The following NEIL2 variants were observed in gnomAD, a reference collection of about 807,000 sequenced individuals.
NEIL2 encodes endonuclease 8-like 2.
NEIL2 carries 23 observed loss-of-function variants against 22.2 expected under a neutral mutation model. The observed-to-expected ratio is 1.04, with a 90% CI of 0.75 to 1.47. The LOEUF (loss-of-function observed/expected upper bound fraction) is 1.47. NEIL2 is among the 40% of genes most tolerant of loss of function. NEIL2 has a pLI of 0.00. For synonymous variants in NEIL2, 229 were observed against 164.8 expected, an observed-to-expected ratio of 1.39 and a Z score of -2.99; for missense variants, 583 against 404.7, an observed-to-expected ratio of 1.44 and a Z score of -3.78.
At chr8:11,784,723 G>T (rs1221423757) in intron 4 of NEIL2, among the ~76,000 whole-genome samples, 2 of 152,246 alleles carry the variant, frequency 1.3e-5, no homozygotes, top group South Asian at 2.1e-4. Flanking sequence ...AGCTGAAAGA[G>T]TATGGTTGGA....
rs372217539 is a variant in NEIL2 at position 11,771,534 on chromosome 8, T to G, written c.87T>G (p.Ser29Arg). Residue 29 changes from serine to arginine, a missense_variant, in exon 2 of 5, where the codon AGT (serine) becomes AGG (arginine). Physicochemically the swap from Ser to Arg is moderately radical, Grantham distance 110. Transcript: ENST00000284503. ...GQQVVKTGGSSKKLQPASLQS... is the reference protein window; with the variant it reads ...GQQVVKTGGSRKKLQPASLQS... ...AGGTGGTCAAGACAGGGGGCAGCAG[T>G]AAGAAGCTACAGCCCGCCAGCCTGC... 5 of 1,613,848 alleles carry G rather than the reference T, an allele frequency of 3.1e-6. No individual in the cohort carries two copies. Among genetic ancestry groups the G allele is most frequent in the Non-Finnish European group, 4.2e-6 (5 of 1,180,000 alleles).
At position 11,782,209 on chromosome 8, in the gene NEIL2, C is replaced by T. The variant is rs8191628; in HGVS notation, c.492-994C>T. Among the ~76,000 whole-genome samples, 1,493 of 152,092 alleles carry T rather than the reference C, an allele frequency of 9.8e-3. 30 individuals carry two copies. The highest frequency in any genetic ancestry group is 0.034 in the African/African-American group (1,391 of 41,504). On this transcript the variant is annotated intron_variant, in intron 3 of 4. Coordinates refer to ENST00000284503, the MANE Select transcript of NEIL2 (RefSeq NM_145043.4). ...AGGCCGAGGCAGGTGGATCACCTGACGTCAGGAGTTCGAGACCAGCCTGGC... is the reference window on the plus strand; with the variant it reads ...AGGCCGAGGCAGGTGGATCACCTGATGTCAGGAGTTCGAGACCAGCCTGGC...
chr8:11,772,903 A>T (rs8191547), intron 2 of NEIL2, among the ~76,000 whole-genome samples: 1 of 152,072 alleles, frequency 6.6e-6, no homozygotes, highest in Non-Finnish European at 1.5e-5. Flanking sequence ...CCTTTCTTCC[A>T]TCTTGCCCTC....
chr8:11,781,973 A>C (rs923956879), intron 3 of NEIL2, among the ~76,000 whole-genome samples: 4 of 152,074 alleles, frequency 2.6e-5, no homozygotes, highest in South Asian at 2.1e-4. Flanking sequence ...CTGAAGTGGG[A>C]GGGTAGTTTG....
At chr8:11,770,428 C>T (rs536083879) in intron 1 of NEIL2, 93 bp downstream of exon 1, 7 of 152,310 alleles carry the variant, frequency 4.6e-5, no homozygotes, top group South Asian at 2.1e-4. Context: ...GGAAATAGTA[C>T]ATCTCAGCGA....
At chr8:11,779,193 G>A (rs943034577) in intron 2 of NEIL2, among the ~76,000 whole-genome samples, 1 of 152,138 alleles carries the variant, frequency 6.6e-6, no homozygotes, top group African/African-American at 2.4e-5. Flanking sequence ...ACAGGGTGTT[G>A]TCTTTAGCTG....
chr8:11,770,822 A>C (rs1563247368), intron 1 of NEIL2, among the ~76,000 whole-genome samples: 1 of 151,280 alleles, frequency 6.6e-6, no homozygotes, highest in South Asian at 2.1e-4. Flanking sequence ...TTAGAACAGA[A>C]CCACAGCTGT....
Position 11,779,785 on chromosome 8 carries a change from C to A in NEIL2, c.326C>A (p.Pro109His). 6.2e-7 allele frequency: 1 copy of A among 1,614,190 alleles called. No homozygotes were observed. The highest frequency in any genetic ancestry group is 8.5e-7 in the Non-Finnish European group (1 of 1,180,044). ...DGSSRSAELVPQGEDDSEYLE... is the reference protein window; with the variant it reads ...DGSSRSAELVHQGEDDSEYLE... The stretch of plus-strand genomic sequence containing the variant: ...TCCTCACGGTCTGCAGAGCTCGTCC[C>A]CCAGGGCGAGGATGATTCTGAGTAT... The change falls in exon 3 of 5, where the codon CCC becomes CAC. Residue 109 changes from proline (P) to histidine (H), a missense_variant. Transcript: ENST00000284503.
chr8:11,783,243 T>C lies in NEIL2; in HGVS notation c.532T>C (p.Tyr178His). 1 of 1,614,250 alleles carries C rather than the reference T, an allele frequency of 6.2e-7. No individual in the cohort carries two copies. Among genetic ancestry groups the C allele is most frequent in the Non-Finnish European group, 8.5e-7 (1 of 1,180,040 alleles). Residue 178 changes from tyrosine (Y) to histidine (H), a missense_variant, in exon 4 of 5, where the codon TAT becomes CAT. By Grantham distance (83) the Tyr-to-His change is moderately conservative. Transcript: ENST00000284503. ...HFGGGGFLAF[Y>H]NCQLSWSSSP... Reference sequence around the variant, plus strand: ...TGGTGGTGGTGGCTTCCTGGCATTTTATAATTGTCAGTTGTCTTGGAGCTC... The same window carrying C: ...TGGTGGTGGTGGCTTCCTGGCATTTCATAATTGTCAGTTGTCTTGGAGCTC...
rs929843663 is a variant in NEIL2, at chr8:11,786,412, C to G, written c.*139C>G. The G allele has an allele frequency of 7.5e-6, 6 of 800,190 alleles. No homozygotes were observed. Among genetic ancestry groups the G allele is most frequent in the Non-Finnish European group, 1.1e-5 (5 of 472,666 alleles). 49.6% of individuals were successfully genotyped at this position (800,190 alleles called of 1,614,324 possible). A position where few individuals can be genotyped will look rare whatever the true frequency, so the allele number is the denominator to read the frequency against. ...TGCCAGTAGTATAATATTCGTCTCC[C>G]TGGAGTTATGTTGAAGGCAGAGTTT... On this transcript the variant is annotated 3_prime_UTR_variant, in exon 5 of 5. Coordinates refer to ENST00000284503, the MANE Select transcript of NEIL2 (RefSeq NM_145043.4).
chr8:11,778,714 G>C (rs1300987392), intron 2 of NEIL2, among the ~76,000 whole-genome samples: 28 of 152,050 alleles, frequency 1.8e-4, no homozygotes, highest in Admixed American at 1.8e-3. Flanking sequence ...CACTTTGGGA[G>C]GCCAAGACGG....
chr8:11,770,959 G>A (rs1054124627), intron 1 of NEIL2, among the ~76,000 whole-genome samples: 1 of 152,184 alleles, frequency 6.6e-6, no homozygotes, highest in Admixed American at 6.5e-5. Flanking sequence ...CCACGCTAGT[G>A]GTCGGCGGTC....
chr8:11,773,462 C>T (rs369953391), intron 2 of NEIL2, among the ~76,000 whole-genome samples: 21 of 152,226 alleles, frequency 1.4e-4, no homozygotes, highest in African/African-American at 3.9e-4. Context: ...CTTGTATCGA[C>T]ACAGGCCACA....
intron 2 of NEIL2, among the ~76,000 whole-genome samples, chr8:11,775,400 C>G (rs1257119575): frequency 6.6e-6 from 1 of 152,214 alleles, no homozygotes; most frequent in Non-Finnish European, 1.5e-5. Flanking sequence ...CCCTAGGCTG[C>G]ACACAGCAGA....
intron 3 of NEIL2, chr8:11,782,649 T>G (rs1804525006): frequency 5.3e-6 from 1 of 188,904 alleles, no homozygotes; most frequent in Non-Finnish European, 1.1e-5. Flanking sequence ...AAAGTATGGC[T>G]TTTACTGAGT....
chr8:11,777,380 T>C (rs1001600234), intron 2 of NEIL2, among the ~76,000 whole-genome samples: 1 of 151,274 alleles, frequency 6.6e-6, no homozygotes, highest in Non-Finnish European at 1.5e-5. Context: ...ATTTTTAAAA[T>C]TGTGATGAAA....
chr8:11,780,631 C>G (rs1804328690), intron 3 of NEIL2, among the ~76,000 whole-genome samples: 1 of 152,230 alleles, frequency 6.6e-6, no homozygotes, highest in South Asian at 2.1e-4. Context: ...GATCGCCTAC[C>G]TCCGCCTCCC....
rs149163749 is a variant in NEIL2, at chr8:11,779,702, A to G, written c.243A>G (p.Glu81=). 1.9e-6 allele frequency: 3 copies of G among 1,614,160 alleles called. No homozygotes were observed. In the East Asian group the frequency reaches 6.7e-5, roughly 36 times the overall value. The change falls in exon 3 of 5, where the codon GAA becomes GAG. Residue 81 remains glutamate, a synonymous_variant. Coordinates refer to ENST00000284503, the MANE Select transcript of NEIL2 (RefSeq NM_145043.4). The stretch of plus-strand genomic sequence containing the variant: ...CTCCACAAAAAGAAGTGCAGAAGGA[A>G]GGGGCTGCGGACCCAAAGCAGGTCG... ...PEPPQKEVQK[E]GAADPKQVGE...
intron 2 of NEIL2, among the ~76,000 whole-genome samples, chr8:11,774,236 A>G (rs8191558): frequency 0.056 from 8,510 of 152,184 alleles, 336 homozygotes; most frequent in Non-Finnish European, 0.079. Flanking sequence ...TTAGCTGGGC[A>G]TGGTGGTGGG....
Sources: gnomAD v4.1 joint callset for allele counts (sites outside exome capture counted in the v4.1 genomes callset) on GRCh38, gnomAD v4.1.1 for gene constraint, MANE v1.5 for transcripts, NCBI Gene and HGNC (gene_info 2026-07-23, HGNC 2026-07-21) for gene names.